Variants in GPC3 observed in about 807,000 individuals in gnomAD.
GPC3 encodes glypican-3.
In GPC3, 3 loss-of-function variants were observed where a neutral mutation model predicts 34.4. That is an observed-to-expected ratio of 0.09 (90% CI 0.04 to 0.23). The LOEUF (loss-of-function observed/expected upper bound fraction) is 0.23. Ranked by LOEUF, GPC3 falls within the 10% of genes least tolerant of loss-of-function variation. GPC3 has a pLI of 1.00. For synonymous variants in GPC3, 177 were observed against 174.0 expected (o/e 1.02, Z -0.13); for missense variants, 351 against 445.6 (o/e 0.79, Z 1.91).
chrX:133,581,240 A>G (rs1164885997), intron 7 of GPC3, among the ~76,000 whole-genome samples: 6 of 112,419 alleles, frequency 5.3e-5, no homozygotes, highest in Non-Finnish European at 1.1e-4. Context: ...AAAAAAGTTT[A>G]TGGATCTTAC....
chrX:133,619,432 A>C (rs2070205143), intron 6 of GPC3, among the ~76,000 whole-genome samples: 1 of 112,533 alleles, frequency 8.9e-6, no homozygotes, highest in African/African-American at 3.2e-5. Context: ...GGAAACAGCC[A>C]AAATGTCCAA....
chrX:133,820,912 G>C (rs934574827), intron 2 of GPC3, among the ~76,000 whole-genome samples: 1 of 111,715 alleles, frequency 9.0e-6, no homozygotes, highest in Non-Finnish European at 1.9e-5. Context: ...TCTAGCACTA[G>C]GATCTCAAAC....
At chrX:133,850,693 C>T (rs769738786) in intron 2 of GPC3, among the ~76,000 whole-genome samples, 5 of 111,276 alleles carry the variant, frequency 4.5e-5, no homozygotes, top group African/African-American at 6.5e-5. Flanking sequence ...GCAACTTCTC[C>T]GCTTAGGGTC....
chrX:133,984,159 C>T (rs2076554757), intron 1 of GPC3, among the ~76,000 whole-genome samples: 1 of 113,592 alleles, frequency 8.8e-6, no homozygotes, highest in Non-Finnish European at 1.9e-5. Flanking sequence ...GGCTGCTCCC[C>T]GATCCCTCGG....
At chrX:133,728,574 C>T (rs938192213) in intron 3 of GPC3, among the ~76,000 whole-genome samples, 2 of 112,700 alleles carry the variant, frequency 1.8e-5, no homozygotes, top group African/African-American at 6.4e-5. Context: ...GTCCACCAGT[C>T]CGGCCTAGTG....
chrX:133,692,461 G>C lies in GPC3; in HGVS notation c.1200C>G (p.Ser400Arg), dbSNP rs1481312903. The part of the protein sequence containing the change: ...ELIQKLKSFI[S>R]FYSALPGYIC... Reference sequence around the variant, plus strand: ...TGTAGCCAGGCAAAGCACTATAGAAGCTGATGAAAGACTTCAACTTCTGAA... The same window carrying C: ...TGTAGCCAGGCAAAGCACTATAGAACCTGATGAAAGACTTCAACTTCTGAA... Residue 400 changes from serine to arginine, a missense_variant, in exon 5 of 8, where the codon AGC becomes AGG. Physicochemically the swap from Ser to Arg is moderately radical, Grantham distance 110. Coordinates refer to ENST00000370818, the MANE Select transcript of GPC3 (RefSeq NM_004484.4). 8.3e-7 allele frequency: 1 copy of C among 1,203,665 alleles called. No individual in the cohort carries two copies. Among genetic ancestry groups the C allele is most frequent in the African/African-American group, 1.7e-5 (1 of 57,308 alleles).
intron 6 of GPC3, among the ~76,000 whole-genome samples, chrX:133,611,928 T>C: frequency 8.9e-6 from 1 of 112,218 alleles, no homozygotes; most frequent in Non-Finnish European, 1.9e-5. Context: ...AGCATTACCA[T>C]CTGTGAGCTG....
chrX:133,887,783 T>C (rs1388501062), intron 2 of GPC3, among the ~76,000 whole-genome samples: 2 of 111,997 alleles, frequency 1.8e-5, no homozygotes, highest in Admixed American at 9.5e-5. Context: ...CTTTGTTGAT[T>C]GGTTCCTCTT....
chrX:133,899,086 T>C (rs756297907), intron 2 of GPC3, among the ~76,000 whole-genome samples: 1 of 112,490 alleles, frequency 8.9e-6, no homozygotes, highest in South Asian at 3.7e-4. Context: ...CCTTGTTAAG[T>C]ATTTGCAGAT....
At chrX:133,978,629 A>T (rs1311838309) in intron 1 of GPC3, among the ~76,000 whole-genome samples, 3 of 112,156 alleles carry the variant, frequency 2.7e-5, no homozygotes, top group Non-Finnish European at 5.6e-5. Flanking sequence ...CTTTTTTAAA[A>T]ACCTTAGTAT....
At chrX:133,980,254 G>A (rs781034313) in intron 1 of GPC3, among the ~76,000 whole-genome samples, 1 of 112,163 alleles carries the variant, frequency 8.9e-6, no homozygotes, top group Admixed American at 9.4e-5. Context: ...ACTGAGGTAA[G>A]CCTGCATCTG....
chrX:133,833,334 A>G, intron 2 of GPC3, among the ~76,000 whole-genome samples: 1 of 112,090 alleles, frequency 8.9e-6, no homozygotes, highest in Admixed American at 9.4e-5. Flanking sequence ...TTCACTGACT[A>G]TCTCCAAACC....
At chrX:133,903,700 G>A (rs2076155910) in intron 2 of GPC3, among the ~76,000 whole-genome samples, 1 of 112,251 alleles carries the variant, frequency 8.9e-6, no homozygotes, top group African/African-American at 3.2e-5. Context: ...GCAAGCCACT[G>A]GCAGAGAAGG....
chrX:133,695,187 A>C (rs1227183293), intron 4 of GPC3, among the ~76,000 whole-genome samples: 1 of 111,464 alleles, frequency 9.0e-6, no homozygotes. Flanking sequence ...TTATGAATCC[A>C]TCGGATCTTG....
intron 1 of GPC3, among the ~76,000 whole-genome samples, chrX:133,978,540 C>T (rs1029712237): frequency 9.0e-5 from 10 of 111,282 alleles, no homozygotes; most frequent in African/African-American, 2.9e-4. Context: ...TATAGTATAG[C>T]CAAATGAATT....
At chrX:133,574,351 A>G (rs2069658083) in intron 7 of GPC3, among the ~76,000 whole-genome samples, 1 of 108,457 alleles carries the variant, frequency 9.2e-6, no homozygotes, top group Non-Finnish European at 1.9e-5. Flanking sequence ...GCTATTGAGA[A>G]AAAAAGAGAG....
At chrX:133,958,881 G>A (rs1158942644) in intron 1 of GPC3, among the ~76,000 whole-genome samples, 2 of 99,055 alleles carry the variant, frequency 2.0e-5, no homozygotes, top group African/African-American at 7.5e-5. Flanking sequence ...GTGAGACTTC[G>A]TCTCGAAAAA....
chrX:133,678,688 T>G (rs1427688254), intron 5 of GPC3, among the ~76,000 whole-genome samples: 1 of 112,008 alleles, frequency 8.9e-6, no homozygotes, highest in Admixed American at 9.5e-5. Flanking sequence ...TGCTGCTAGA[T>G]GCTATCCACT....
intron 2 of GPC3, among the ~76,000 whole-genome samples, chrX:133,939,352 C>T (rs1273795046): frequency 8.9e-6 from 1 of 111,957 alleles, no homozygotes; most frequent in Non-Finnish European, 1.9e-5. Flanking sequence ...TTGATTATAC[C>T]TTGAAAATAT....
Sources: gnomAD v4.1 joint callset for allele counts (sites outside exome capture counted in the v4.1 genomes callset) on GRCh38, gnomAD v4.1.1 for gene constraint, MANE v1.5 for transcripts, NCBI Gene and HGNC (gene_info 2026-07-23, HGNC 2026-07-21) for gene names.